Variants in CGGBP1 observed in about 807,000 individuals in gnomAD.
CGGBP1 encodes CGG triplet repeat binding protein 1, also known as CGG triplet repeat-binding protein 1.
In CGGBP1, 4 loss-of-function variants were observed where a neutral mutation model predicts 11.4. The ratio of observed to expected loss-of-function variants is 0.35; its 90% CI spans 0.17 to 0.80. The LOEUF (loss-of-function observed/expected upper bound fraction) is 0.80, where lower values mean the gene tolerates loss of function less well. Among genes scored for constraint, CGGBP1 ranks in the 30% least tolerant of loss-of-function variants. CGGBP1 has a pLI of 0.52. For synonymous variants in CGGBP1, 76 were observed against 74.1 expected, an observed-to-expected ratio of 1.03 and a Z score of -0.13; for missense variants, 135 against 202.1, an observed-to-expected ratio of 0.67 and a Z score of 2.01.
At chr3:88,129,321 T>TAAAAAA (rs11370327) in intron 2 of CGGBP1, among the ~76,000 whole-genome samples, 1 of 76,946 alleles carries the variant, frequency 1.3e-5, no homozygotes, top group Non-Finnish European at 2.4e-5. Context: ...TTGCCAGGAG[T>TAAAAAA]AAAAAAAAAA....
intron 2 of CGGBP1, among the ~76,000 whole-genome samples, chr3:88,082,283 C>T (rs775058194): frequency 6.6e-6 from 1 of 152,058 alleles, no homozygotes; most frequent in Non-Finnish European, 1.5e-5. Context: ...CGTGCCACCA[C>T]GCCCAGCTAA....
chr3:88,094,761 T>C (rs1703961821), intron 2 of CGGBP1, among the ~76,000 whole-genome samples: 1 of 152,160 alleles, frequency 6.6e-6, no homozygotes, highest in Non-Finnish European at 1.5e-5. Flanking sequence ...CTAAGTCAGA[T>C]CATTAAAAAA....
chr3:88,116,137 ATTC>A (rs1448335327), intron 2 of CGGBP1, among the ~76,000 whole-genome samples: 1 of 152,082 alleles, frequency 6.6e-6, no homozygotes, highest in East Asian at 1.9e-4. Flanking sequence ...GGTCAATCTC[ATTC>A]TTGTTGCTGC....
At chr3:88,082,749 T>C (rs535907479) in intron 2 of CGGBP1, among the ~76,000 whole-genome samples, 1 of 152,340 alleles carries the variant, frequency 6.6e-6, no homozygotes, top group African/African-American at 2.4e-5. Context: ...AAGAAACAGA[T>C]ACTCATATTT....
intron 2 of CGGBP1, among the ~76,000 whole-genome samples, chr3:88,117,463 A>G (rs986552937): frequency 6.6e-6 from 1 of 152,198 alleles, no homozygotes; most frequent in Non-Finnish European, 1.5e-5. Context: ...AGTTTATAAG[A>G]TAGAGCAACA....
chr3:88,059,385 G>C, upstream of CGGBP1: 1 of 1,535,430 alleles, frequency 6.5e-7, no homozygotes, highest in Middle Eastern at 1.7e-4. Context: ...CCATTGTGGA[G>C]TCCCCGCTGG....
intron 2 of CGGBP1, among the ~76,000 whole-genome samples, chr3:88,088,936 C>A (rs1708490159): frequency 6.6e-6 from 1 of 151,602 alleles, no homozygotes; most frequent in Admixed American, 6.6e-5. Context: ...CCATGCCTGG[C>A]TAATTTTTGT....
At position 88,106,702 on chromosome 3, in the gene CGGBP1, G is replaced by A. The variant is rs1704761373; in HGVS notation, c.-229+34268C>T. ...GTTAATTTGTTTAATGCTTTTTTAA[G>A]CTGTGTAGATTTTTAAAATGTAATT... On this transcript the variant is annotated intron_variant, in intron 2 of 3. Coordinates refer to the CGGBP1 transcript ENST00000462901. 3.3e-5 allele frequency among the ~76,000 whole-genome samples: 5 copies of A among 152,042 alleles called. No individual in the cohort carries two copies. The South Asian group carries it at 1.0e-3, about 32-fold the overall frequency.
chr3:88,059,534 G>T, upstream of CGGBP1: 1 of 1,458,350 alleles, frequency 6.9e-7, no homozygotes, highest in Non-Finnish European at 9.0e-7. Context: ...GCCCCGACTT[G>T]TCACCCGGGT....
exon 1 of CGGBP1, chr3:88,149,793 G>A: frequency 2.2e-6 from 1 of 447,418 alleles, no homozygotes. Context: ...GATAGTCTAT[G>A]TTCTCCATAT....
At chr3:88,092,992 T>C (rs993138679) in intron 2 of CGGBP1, among the ~76,000 whole-genome samples, 3 of 152,212 alleles carry the variant, frequency 2.0e-5, no homozygotes, top group Admixed American at 2.0e-4. Flanking sequence ...AAAAGTCATG[T>C]AGTGAATTGT....
At chr3:88,101,303 C>T (rs1420063025) in intron 2 of CGGBP1, among the ~76,000 whole-genome samples, 1 of 152,146 alleles carries the variant, frequency 6.6e-6, no homozygotes, top group Non-Finnish European at 1.5e-5. Context: ...CAGCTCAAGG[C>T]AACTACTGCT....
chr3:88,141,587 T>A, intron 1 of CGGBP1: 1 of 1,337,238 alleles, frequency 7.5e-7, no homozygotes, highest in Non-Finnish European at 1.0e-6. Flanking sequence ...GAATCTGACT[T>A]GGAATTCCGG....
At chr3:88,075,766 T>G (rs1343548467) in intron 2 of CGGBP1, among the ~76,000 whole-genome samples, 1 of 152,184 alleles carries the variant, frequency 6.6e-6, no homozygotes, top group East Asian at 1.9e-4. Context: ...TTTTTTTCTC[T>G]TGGTTTTTTT....
intron 2 of CGGBP1, among the ~76,000 whole-genome samples, chr3:88,121,887 C>A (rs1223979487): frequency 6.6e-6 from 1 of 152,156 alleles, no homozygotes; most frequent in Non-Finnish European, 1.5e-5. Flanking sequence ...GTTCAGACTC[C>A]ATAGTGCTTC....
chr3:88,143,195 T>C (rs1418172499), intron 1 of CGGBP1: 3 of 152,270 alleles, frequency 2.0e-5, no homozygotes, highest in Non-Finnish European at 4.4e-5. Context: ...TTTATTAAAT[T>C]AGGATTTCCA....
chr3:88,094,698 T>C (rs1184436756), intron 2 of CGGBP1, among the ~76,000 whole-genome samples: 1 of 152,176 alleles, frequency 6.6e-6, no homozygotes, highest in Admixed American at 6.6e-5. Context: ...ATAGTCATTA[T>C]GAATGGTGTA....
chr3:88,102,533 C>G (rs947107552), intron 2 of CGGBP1, among the ~76,000 whole-genome samples: 5 of 152,162 alleles, frequency 3.3e-5, no homozygotes, highest in African/African-American at 1.2e-4. Flanking sequence ...CATTTCTTTA[C>G]TTAACATGGT....
intron 1 of CGGBP1, chr3:88,142,598 T>G (rs1707186055): frequency 6.6e-6 from 1 of 152,408 alleles, no homozygotes. Flanking sequence ...GACATTAATG[T>G]GAGTTATCTA....
Sources: gnomAD v4.1 joint callset for allele counts (sites outside exome capture counted in the v4.1 genomes callset) on GRCh38, gnomAD v4.1.1 for gene constraint, MANE v1.5 for transcripts, NCBI Gene and HGNC (gene_info 2026-07-23, HGNC 2026-07-21) for gene names.